Variants in ZNF704 observed in about 807,000 individuals in gnomAD.
ZNF704 encodes zinc finger protein 704.
In ZNF704, 10 loss-of-function variants were observed where a neutral mutation model predicts 44.7. The observed-to-expected ratio is 0.22, with a 90% CI of 0.14 to 0.38. The LOEUF (loss-of-function observed/expected upper bound fraction) is 0.38, where lower values mean the gene tolerates loss of function less well. Among genes scored for constraint, ZNF704 ranks in the 10% least tolerant of loss-of-function variants. The probability of loss-of-function intolerance (pLI) is 1.00; values close to 1 mark genes in which losing one functional copy is unlikely to be tolerated. For missense variants in ZNF704, 390 were observed against 545.5 expected (o/e 0.71, Z 2.84); for synonymous variants, 211 against 207.6 (o/e 1.02, Z -0.14).
In ZNF704 at chr8:80,664,883, A is replaced by C; in HGVS notation, c.859T>G (p.Leu287Val). 5 of 1,614,190 alleles carry C rather than the reference A, an allele frequency of 3.1e-6. No individual in the cohort carries two copies. The highest frequency in any genetic ancestry group is 4.2e-6 in the Non-Finnish European group (5 of 1,180,036). ...ETPCAKTETK[L>V]MTPLSRSAPT... is the part of the protein sequence containing the mutation. ...GCTGAGCGGCTCAACGGCGTCATCA[A>C]CTTAGTCTCCGTTTTGGCACAAGGA... is the stretch of plus-strand genomic sequence containing the variant. Residue 287 changes from leucine to valine, a missense_variant, in exon 6 of 9, where the codon TTG (leucine) becomes GTG (valine). Physicochemically the swap from Leu to Val is conservative, Grantham distance 32. Coordinates refer to ENST00000327835, the MANE Select transcript of ZNF704 (RefSeq NM_001033723.3).
At chr8:80,723,437 A>C (rs1806408991) in intron 2 of ZNF704, among the ~76,000 whole-genome samples, 1 of 151,916 alleles carries the variant, frequency 6.6e-6, no homozygotes, top group African/African-American at 2.4e-5. Context: ...GTTTTAGAGA[A>C]GTATGTGATT....
chr8:80,719,955 C>T (rs1819138289), intron 2 of ZNF704, among the ~76,000 whole-genome samples: 1 of 152,172 alleles, frequency 6.6e-6, no homozygotes, highest in South Asian at 2.1e-4. Flanking sequence ...ATATTCTATA[C>T]ACGTTGTCTC....
intron 7 of ZNF704, among the ~76,000 whole-genome samples, chr8:80,653,103 C>T (rs531011141): frequency 8.9e-4 from 135 of 151,752 alleles, no homozygotes; most frequent in African/African-American, 2.1e-3. Flanking sequence ...AAAAGGCCTT[C>T]GACAAAATTC....
chr8:80,783,541 G>T (rs1586024676), intron 2 of ZNF704, among the ~76,000 whole-genome samples: 1 of 152,102 alleles, frequency 6.6e-6, no homozygotes, highest in Non-Finnish European at 1.5e-5. Flanking sequence ...CTTGCCTAAT[G>T]GGGGAAGGGG....
intron 2 of ZNF704, among the ~76,000 whole-genome samples, chr8:80,730,248 T>C (rs185154733): frequency 6.6e-6 from 1 of 152,294 alleles, no homozygotes; most frequent in East Asian, 1.9e-4. Context: ...CATGAAATCA[T>C]GCTGTTTAGT....
chr8:80,763,297 C>T (rs1259490336), intron 2 of ZNF704, among the ~76,000 whole-genome samples: 1 of 152,240 alleles, frequency 6.6e-6, no homozygotes, highest in South Asian at 2.1e-4. Context: ...GGGTCCCACC[C>T]CTGCAGCAAG....
At position 80,681,248 on chromosome 8, in the gene ZNF704, A is replaced by G. The variant is rs75430792; in HGVS notation, c.558+5978T>C. 1.4e-3 allele frequency among the ~76,000 whole-genome samples: 211 copies of G among 152,258 alleles called. 4 individuals carry two copies. In the East Asian group the frequency reaches 0.038, roughly 28 times the overall value. ...AGGTAAATACATACCTAAGAGTGGA[A>G]TTGCTGGGTCATATGGTAAGTGTAT... On this transcript the variant is annotated intron_variant, in intron 4 of 8. Transcript: ENST00000327835.
chr8:80,798,677 C>T (rs1296438837), intron 2 of ZNF704, among the ~76,000 whole-genome samples: 1 of 152,168 alleles, frequency 6.6e-6, no homozygotes, highest in Non-Finnish European at 1.5e-5. Context: ...TTTGTCTAGC[C>T]TGCTCCTCGA....
intron 7 of ZNF704, among the ~76,000 whole-genome samples, chr8:80,644,351 T>C (rs1347616866): frequency 6.6e-6 from 1 of 152,162 alleles, no homozygotes; most frequent in Non-Finnish European, 1.5e-5. Context: ...CTTCAGCCCT[T>C]TGCATTACCT....
intron 1 of ZNF704, among the ~76,000 whole-genome samples, chr8:80,832,244 C>G (rs190848411): frequency 2.1e-3 from 313 of 152,168 alleles, no homozygotes; most frequent in Admixed American, 4.4e-3. Flanking sequence ...TTAACAGTAT[C>G]TATTTATGTC....
At chr8:80,815,231 C>T (rs1242287591) in intron 2 of ZNF704, among the ~76,000 whole-genome samples, 2 of 152,298 alleles carry the variant, frequency 1.3e-5, no homozygotes, top group Admixed American at 6.5e-5. Flanking sequence ...TTTCTTCCAA[C>T]CACAAACTAA....
chr8:80,664,981 G>A lies in ZNF704; in HGVS notation c.761C>T (p.Ala254Val), dbSNP rs1331687393. Residue 254 changes from alanine (A) to valine (V), a missense_variant, in exon 6 of 9, where the codon GCC (alanine) becomes GTC (valine). Physicochemically the swap from Ala to Val is moderately conservative, Grantham distance 64. Around this residue, in one of 3 missense-constraint regions of ZNF704, gnomAD observed 305 missense variants for 435.7 expected, o/e 0.70. Transcript: ENST00000327835. Reference sequence around the variant, plus strand: ...CAGGGACTGGGAAGGTGAGACCGGGGCCAGGCTGCTCAGCCCGTCTGCCAC... The same window carrying A: ...CAGGGACTGGGAAGGTGAGACCGGGACCAGGCTGCTCAGCCCGTCTGCCAC... ...DSVADGLSSL[A>V]PVSPSQSLAS... 2.5e-6 allele frequency: 4 copies of A among 1,614,084 alleles called. No homozygotes were observed. Among genetic ancestry groups the A allele is most frequent in the Non-Finnish European group, 3.4e-6 (4 of 1,180,048 alleles).
At chr8:80,821,198 C>T (rs1487157192) in intron 2 of ZNF704, among the ~76,000 whole-genome samples, 176 bp downstream of exon 2, 1 of 152,206 alleles carries the variant, frequency 6.6e-6, no homozygotes, top group African/African-American at 2.4e-5. Flanking sequence ...GCCTCAAAGT[C>T]AGTTATGAAG....
intron 2 of ZNF704, among the ~76,000 whole-genome samples, chr8:80,819,908 A>G (rs1808240620): frequency 6.6e-6 from 1 of 152,196 alleles, no homozygotes; most frequent in Non-Finnish European, 1.5e-5. Flanking sequence ...TTTAATATAG[A>G]AAGAAATGAA....
At chr8:80,804,067 CAT>C (rs1385999981) in intron 2 of ZNF704, among the ~76,000 whole-genome samples, 4 of 152,076 alleles carry the variant, frequency 2.6e-5, no homozygotes, top group East Asian at 1.9e-4. Flanking sequence ...GGCCAACAAA[CAT>C]ATGAAAAAAA....
chr8:80,832,143 G>C (rs960449214), intron 1 of ZNF704, among the ~76,000 whole-genome samples: 1 of 152,028 alleles, frequency 6.6e-6, no homozygotes, highest in Non-Finnish European at 1.5e-5. Context: ...TCATTCCAAT[G>C]AACAGCTTTT....
chr8:80,857,312 T>C (rs1808979347), intron 1 of ZNF704, among the ~76,000 whole-genome samples: 1 of 152,182 alleles, frequency 6.6e-6, no homozygotes, highest in Non-Finnish European at 1.5e-5. Context: ...CTGATATTGG[T>C]AGAGGAAATT....
intron 4 of ZNF704, among the ~76,000 whole-genome samples, chr8:80,683,888 T>TG (rs1275690475): frequency 6.6e-6 from 1 of 152,058 alleles, no homozygotes; most frequent in African/African-American, 2.4e-5. Context: ...CATCTCTGTG[T>TG]GGGGGGAGGT....
intron 2 of ZNF704, among the ~76,000 whole-genome samples, chr8:80,732,890 G>A (rs2131682569): frequency 6.7e-6 from 1 of 149,148 alleles, no homozygotes. Flanking sequence ...GGAGGTCAAG[G>A]TTGCAGTGAG....
Sources: allele counts gnomAD v4.1 joint callset (sites outside exome capture counted in the v4.1 genomes callset), GRCh38; gene constraint gnomAD v4.1.1; regional missense constraint gnomAD v4.1.1; transcripts MANE v1.5; gene names NCBI Gene and HGNC (gene_info 2026-07-23, HGNC 2026-07-21).